The following ROR1 variants were observed in gnomAD, a reference collection of about 807,000 sequenced individuals.
ROR1 encodes the protein inactive tyrosine-protein kinase transmembrane receptor ROR1.
Under a neutral mutation model 78.8 loss-of-function variants are expected in ROR1, and 19 were observed. That is an observed-to-expected ratio of 0.24 (90% CI 0.17 to 0.35). The LOEUF is 0.35. Ranked by LOEUF, ROR1 falls within the 10% of genes least tolerant of loss-of-function variation. The pLI is 1.00. For synonymous variants in ROR1, 386 were observed against 433.6 expected (o/e 0.89, Z 1.36); for missense variants, 917 against 1,177.8 (o/e 0.78, Z 3.24).
intron 4 of ROR1, among the ~76,000 whole-genome samples, chr1:64,108,139 G>A (rs1647908810): frequency 6.6e-6 from 1 of 150,890 alleles, no homozygotes; most frequent in Non-Finnish European, 1.5e-5. Flanking sequence ...GCTCATGCCT[G>A]TAATCTCAGC....
intron 4 of ROR1, among the ~76,000 whole-genome samples, chr1:64,060,375 A>C (rs914496830): frequency 9.2e-5 from 14 of 152,080 alleles, no homozygotes; most frequent in African/African-American, 3.4e-4. Context: ...CCAGCTGTGA[A>C]CCCCAACCAG....
intron 4 of ROR1, among the ~76,000 whole-genome samples, chr1:64,052,847 CT>C (rs140637148): frequency 8.7e-5 from 13 of 150,000 alleles, no homozygotes; most frequent in East Asian, 3.9e-4. Flanking sequence ...ATTTTGGTAC[CT>C]TTTTTTTTTC....
At chr1:63,894,880 A>C (rs1248917442) in intron 1 of ROR1, among the ~76,000 whole-genome samples, 1 of 152,304 alleles carries the variant, frequency 6.6e-6, no homozygotes, top group African/African-American at 2.4e-5. Context: ...ATGCATCTTA[A>C]GTGTACTTTA....
At chr1:63,987,055 A>T (rs1646258685) in intron 1 of ROR1, among the ~76,000 whole-genome samples, 1 of 152,070 alleles carries the variant, frequency 6.6e-6, no homozygotes, top group South Asian at 2.1e-4. Context: ...TTTTTGCCTC[A>T]ATTACCCAGA....
chr1:64,078,995 G>GCA (rs1557641228), intron 4 of ROR1, among the ~76,000 whole-genome samples: 1 of 152,182 alleles, frequency 6.6e-6, no homozygotes, highest in Admixed American at 6.5e-5. Flanking sequence ...GTGATGGATG[G>GCA]CATGTGAAAA....
intron 2 of ROR1, among the ~76,000 whole-genome samples, chr1:64,011,166 T>C (rs1409746177): frequency 6.6e-6 from 1 of 152,204 alleles, no homozygotes; most frequent in Non-Finnish European, 1.5e-5. Context: ...ATTTAGAATA[T>C]TTTTTCTATT....
At chr1:63,893,819 A>C (rs1168057946) in intron 1 of ROR1, among the ~76,000 whole-genome samples, 2 of 152,176 alleles carry the variant, frequency 1.3e-5, no homozygotes, top group Admixed American at 1.3e-4. Context: ...GTAGATGCCT[A>C]AACTGCAGAT....
At chr1:64,136,723 A>T (rs1649115833) in intron 4 of ROR1, among the ~76,000 whole-genome samples, 2 of 152,062 alleles carry the variant, frequency 1.3e-5, no homozygotes, top group African/African-American at 4.8e-5. Flanking sequence ...CTATTTTTTT[A>T]AATTGTAGAG....
intron 3 of ROR1, 97 bp downstream of exon 3, chr1:64,050,075 A>G: frequency 7.4e-7 from 1 of 1,343,006 alleles, no homozygotes; most frequent in South Asian, 1.3e-5. Context: ...ATGCACACTT[A>G]GTGAGAATGT....
intron 1 of ROR1, among the ~76,000 whole-genome samples, chr1:63,828,267 G>T (rs1644967243): frequency 6.6e-6 from 1 of 152,152 alleles, no homozygotes; most frequent in Non-Finnish European, 1.5e-5. Context: ...AGCAAATTTA[G>T]GTCAGAGCTG....
At chr1:63,892,115 C>CATGAA (rs1645402155) in intron 1 of ROR1, among the ~76,000 whole-genome samples, 2 of 152,306 alleles carry the variant, frequency 1.3e-5, no homozygotes. Flanking sequence ...TAATTCACTT[C>CATGAA]TAATGGACCA....
chr1:63,941,680 A>G (rs1406943807), intron 1 of ROR1, among the ~76,000 whole-genome samples: 10 of 152,134 alleles, frequency 6.6e-5, no homozygotes, highest in Admixed American at 1.3e-4. Context: ...TAGCTGTGAC[A>G]TTTTCATCTA....
chr1:64,057,702 A>C (rs1431200345), intron 4 of ROR1, among the ~76,000 whole-genome samples: 2 of 152,210 alleles, frequency 1.3e-5, no homozygotes, highest in Non-Finnish European at 2.9e-5. Context: ...CTTTCACAGC[A>C]ACACCTAGAC....
chr1:63,932,122 C>T (rs746567821), intron 1 of ROR1, among the ~76,000 whole-genome samples: 5 of 152,112 alleles, frequency 3.3e-5, no homozygotes, highest in Non-Finnish European at 4.4e-5. Context: ...ACTGAGCCAT[C>T]GAATACATAA....
intron 1 of ROR1, among the ~76,000 whole-genome samples, chr1:63,979,082 G>A (rs914226486): frequency 1.3e-5 from 2 of 152,130 alleles, no homozygotes; most frequent in South Asian, 2.1e-4. Flanking sequence ...ATTATGGAGG[G>A]CAATCTTTAT....
rs539936777 is a variant in ROR1, at chr1:63,984,048, A to G, written c.92-25257A>G. ...TATTAACATACTGTACTTTTTTTCTATGTGCCTGATAGTTCATGAAGACCA... is the reference window on the plus strand; with the variant it reads ...TATTAACATACTGTACTTTTTTTCTGTGTGCCTGATAGTTCATGAAGACCA... On this transcript the variant is annotated intron_variant, in intron 1 of 8. Transcript: ENST00000371079. Among the ~76,000 whole-genome samples the G allele has an allele frequency of 5.9e-5, 9 of 152,126 alleles. No homozygotes were observed. The South Asian group carries it at 6.2e-4, about 11-fold the overall frequency.
intron 1 of ROR1, among the ~76,000 whole-genome samples, chr1:63,902,267 T>G (rs1645491194): frequency 6.6e-6 from 1 of 152,102 alleles, no homozygotes; most frequent in South Asian, 2.1e-4. Flanking sequence ...GAATTAACAG[T>G]AACCAGGGAA....
At chr1:63,888,926 G>A (rs1645375665) in intron 1 of ROR1, among the ~76,000 whole-genome samples, 1 of 152,016 alleles carries the variant, frequency 6.6e-6, no homozygotes, top group Non-Finnish European at 1.5e-5. Context: ...ACCCATAAAA[G>A]TTCATTATCT....
chr1:63,893,410 G>C (rs1185220381), intron 1 of ROR1, among the ~76,000 whole-genome samples: 1 of 152,082 alleles, frequency 6.6e-6, no homozygotes, highest in Non-Finnish European at 1.5e-5. Flanking sequence ...GGATAAAAGA[G>C]GGGGGTAAAA....
Sources: gnomAD v4.1 joint callset for allele counts (sites outside exome capture counted in the v4.1 genomes callset) on GRCh38, gnomAD v4.1.1 for gene constraint, MANE v1.5 for transcripts, NCBI Gene and HGNC (gene_info 2026-07-23, HGNC 2026-07-21) for gene names.